Variants in DLG2 observed in about 807,000 individuals in gnomAD.
DLG2 encodes disks large homolog 2.
In DLG2, 45 loss-of-function variants were observed where a neutral mutation model predicts 132.5. The ratio of observed to expected loss-of-function variants is 0.34; its 90% CI spans 0.27 to 0.44. The LOEUF (loss-of-function observed/expected upper bound fraction) is 0.44. DLG2 is among the 20% of genes least tolerant of loss of function. The pLI is 1.00. For synonymous variants in DLG2, 424 were observed against 419.6 expected (o/e 1.01, Z -0.13); for missense variants, 1,045 against 1,196.9 (o/e 0.87, Z 1.87).
At position 84,148,055 on chromosome 11, in the gene DLG2, G is replaced by A. The variant is rs917654546; in HGVS notation, c.624+15406C>T. Among the ~76,000 whole-genome samples, 7 of 151,896 alleles carry A rather than the reference G, an allele frequency of 4.6e-5. No homozygotes were observed. The South Asian group carries it at 1.2e-3, about 27-fold the overall frequency. On this transcript the variant is annotated intron_variant, in intron 9 of 27. Transcript: ENST00000376104. ...GGCTTTAACGGGTTAAGTAATGAAC[G>A]GTCATTCAGGAAGTGGCTGATTCTA...
intron 15 of DLG2, among the ~76,000 whole-genome samples, chr11:83,893,985 A>G (rs934433258): frequency 2.0e-5 from 3 of 152,176 alleles, no homozygotes; most frequent in Non-Finnish European, 4.4e-5. Context: ...AATTGCTCCA[A>G]ATCCTTTCTC....
At chr11:84,135,428 G>A (rs897377287) in intron 9 of DLG2, among the ~76,000 whole-genome samples, 2 of 152,102 alleles carry the variant, frequency 1.3e-5, no homozygotes, top group African/African-American at 4.8e-5. Flanking sequence ...AAATCAACAA[G>A]TACTGGACAG....
intron 10 of DLG2, among the ~76,000 whole-genome samples, chr11:84,089,759 T>A (rs1238277368): frequency 1.3e-5 from 2 of 151,914 alleles, no homozygotes; most frequent in East Asian, 3.9e-4. Flanking sequence ...TGTCTGGGAG[T>A]AGAAATGATT....
At chr11:84,878,385 G>T (rs1426046912) in intron 6 of DLG2, among the ~76,000 whole-genome samples, 1 of 152,176 alleles carries the variant, frequency 6.6e-6, no homozygotes, top group Non-Finnish European at 1.5e-5. Context: ...CCGTAAAAAG[G>T]ATGAGTTAAT....
chr11:83,813,826 A>G (rs991746277), intron 17 of DLG2, among the ~76,000 whole-genome samples: 2 of 152,140 alleles, frequency 1.3e-5, no homozygotes, highest in East Asian at 1.9e-4. Context: ...AAATCCTTCC[A>G]GGTGCGAAAT....
At chr11:85,361,761 C>T (rs1047394239) in intron 3 of DLG2, among the ~76,000 whole-genome samples, 1 of 152,166 alleles carries the variant, frequency 6.6e-6, no homozygotes, top group Non-Finnish European at 1.5e-5. Context: ...GATCTTTTAG[C>T]TCAGGATTTC....
chr11:84,763,902 T>C (rs1467457246), intron 6 of DLG2, among the ~76,000 whole-genome samples: 2 of 152,160 alleles, frequency 1.3e-5, no homozygotes, highest in African/African-American at 4.8e-5. Context: ...ACTGTGTTTG[T>C]TGGGGTGAGG....
intron 21 of DLG2, among the ~76,000 whole-genome samples, chr11:83,530,142 G>A (rs1168973931): frequency 6.6e-6 from 1 of 151,684 alleles, no homozygotes; most frequent in Non-Finnish European, 1.5e-5. Context: ...CAAATAAGAG[G>A]TCTATCCTTA....
intron 19 of DLG2, among the ~76,000 whole-genome samples, chr11:83,611,573 C>T (rs1183081804): frequency 6.6e-6 from 1 of 152,176 alleles, no homozygotes; most frequent in African/African-American, 2.4e-5. Context: ...GACTTTTACA[C>T]TTATCTGTAC....
intron 6 of DLG2, among the ~76,000 whole-genome samples, chr11:84,551,650 G>A (rs1442946626): frequency 2.0e-5 from 3 of 152,186 alleles, no homozygotes; most frequent in Non-Finnish European, 2.9e-5. Flanking sequence ...TGGATAGAAT[G>A]AGATTTATAC....
intron 7 of DLG2, among the ~76,000 whole-genome samples, chr11:84,405,074 G>C (rs1377447651): frequency 6.6e-6 from 1 of 152,110 alleles, no homozygotes; most frequent in East Asian, 1.9e-4. Context: ...ATAAGGAAGA[G>C]GGGGGAGAAT....
chr11:85,155,206 C>T (rs1401117202), intron 4 of DLG2, among the ~76,000 whole-genome samples: 3 of 152,134 alleles, frequency 2.0e-5, no homozygotes, highest in Admixed American at 6.5e-5. Flanking sequence ...ACAATATGAC[C>T]CATTGAATAT....
At chr11:84,313,043 C>T (rs773540149) in intron 7 of DLG2, among the ~76,000 whole-genome samples, 1 of 152,048 alleles carries the variant, frequency 6.6e-6, no homozygotes, top group Non-Finnish European at 1.5e-5. Context: ...ATCTCTTGAC[C>T]TCCTGATCCA....
intron 6 of DLG2, among the ~76,000 whole-genome samples, chr11:84,964,564 T>C (rs1036921802): frequency 1.3e-5 from 2 of 152,120 alleles, no homozygotes; most frequent in East Asian, 3.8e-4. Flanking sequence ...TTGCTATACA[T>C]GGAGAAAATA....
At chr11:85,057,483 T>G (rs1394895093) in intron 6 of DLG2, among the ~76,000 whole-genome samples, 1 of 151,588 alleles carries the variant, frequency 6.6e-6, no homozygotes, top group Non-Finnish European at 1.5e-5. Flanking sequence ...AAGAGTAAAT[T>G]TTCTAATCTC....
chr11:83,984,184 T>C lies in DLG2; in HGVS notation c.920-3542A>G, dbSNP rs192245312. Among the ~76,000 whole-genome samples the C allele has an allele frequency of 5.6e-3, 758 of 135,144 alleles. 3 individuals carry two copies. The highest frequency in any genetic ancestry group is 0.019 in the African/African-American group (736 of 37,860). 88.7% of individuals were successfully genotyped at this position (135,144 alleles called of 152,430 possible). ...ATGAAAGCACTATGGATACTGTAGA[T>C]AGATAGATGATAGATAGATAGATAG... is the stretch of plus-strand genomic sequence containing the variant. On this transcript the variant is annotated intron_variant, in intron 11 of 27. Coordinates refer to ENST00000376104, the MANE Select transcript of DLG2 (RefSeq NM_001142699.3).
intron 18 of DLG2, among the ~76,000 whole-genome samples, chr11:83,702,981 C>T (rs985364233): frequency 2.0e-5 from 3 of 152,152 alleles, no homozygotes; most frequent in Admixed American, 1.3e-4. Flanking sequence ...AATATAATGA[C>T]GCATCAATCC....
chr11:83,728,685 G>A (rs955653174), intron 18 of DLG2, among the ~76,000 whole-genome samples: 1 of 152,218 alleles, frequency 6.6e-6, no homozygotes, highest in African/African-American at 2.4e-5. Flanking sequence ...ACACATCTAA[G>A]CAGTTCTGGG....
intron 6 of DLG2, among the ~76,000 whole-genome samples, chr11:85,018,971 AAAT>A (rs1489685425): frequency 6.6e-6 from 1 of 152,188 alleles, no homozygotes; most frequent in African/African-American, 2.4e-5. Context: ...TCATTCACAG[AAAT>A]ACATTGTAAC....
Sources: allele counts gnomAD v4.1 joint callset (sites outside exome capture counted in the v4.1 genomes callset), GRCh38; gene constraint gnomAD v4.1.1; transcripts MANE v1.5; gene names NCBI Gene and HGNC (gene_info 2026-07-23, HGNC 2026-07-21).